GPS1: variants seen among roughly 807,000 people sequenced by gnomAD.
GPS1 encodes the protein COP9 signalosome complex subunit 1.
Under a neutral mutation model 60.0 loss-of-function variants are expected in GPS1, and 11 were observed. That is an observed-to-expected ratio of 0.18 (90% confidence interval 0.12 to 0.30). The LOEUF (loss-of-function observed/expected upper bound fraction) is 0.30, where lower values mean the gene tolerates loss of function less well. GPS1 is among the 10% of genes least tolerant of loss of function. The pLI is 1.00. For missense variants in GPS1, 543 were observed against 669.2 expected, an observed-to-expected ratio of 0.81 and a Z score of 2.08; for synonymous variants, 343 against 269.8, an observed-to-expected ratio of 1.27 and a Z score of -2.66.
Position 82,054,531 on chromosome 17 carries a change from C to T in GPS1, c.330C>T (p.Asp110=), listed in dbSNP as rs571991947. 4.7e-5 allele frequency: 73 copies of T among 1,554,536 alleles called. No homozygotes were observed. The South Asian group carries it at 5.7e-4, about 12-fold the overall frequency. ...TCAGGGAGCTGCAGAACGCACCCGA[C>T]GCCATCCCTGAGAGCGGCGTGGAGC... The part of the protein sequence containing the change: ...EATRELQNAP[D]AIPESGVEPP... The change falls in exon 4 of 13, where the codon GAC becomes GAT. Residue 110 remains aspartate (D), a synonymous_variant. Coordinates refer to ENST00000578552, the MANE Select transcript of GPS1 (RefSeq NM_001321092.3).
At chr17:82,054,211 G>A (rs1411649219) in intron 3 of GPS1, 162 bp downstream of exon 3, 10 of 811,740 alleles carry the variant, frequency 1.2e-5, no homozygotes, top group Non-Finnish European at 1.9e-5. Context: ...AGTGCCCTGT[G>A]TGTGTGTGGC....
chr17:82,056,183 C>A, intron 8 of GPS1, 88 bp downstream of exon 8: 1 of 1,380,226 alleles, frequency 7.2e-7, no homozygotes, highest in Non-Finnish European at 1.0e-6. Context: ...GGCCCCCTGG[C>A]CCCAGCGTTT....
chr17:82,055,638 CTGG>C, intron 6 of GPS1, 99 bp from the exon 7 acceptor site: 2 of 764,274 alleles, frequency 2.6e-6, no homozygotes, highest in Non-Finnish European at 4.4e-6. Flanking sequence ...AGCGAGCCGG[CTGG>C]TGGTCGCGTT....
At position 82,057,099 on chromosome 17, in the gene GPS1, G is replaced by C. The variant is rs1283344274; in HGVS notation, c.1436G>C (p.Ser479Thr). 1 of 1,576,058 alleles carries C rather than the reference G, an allele frequency of 6.3e-7. No individual in the cohort carries two copies. Among genetic ancestry groups the C allele is most frequent in the Non-Finnish European group, 8.6e-7 (1 of 1,158,996 alleles). The part of the protein sequence containing the change: ...GSQGELTPAN[S>T]QSRMSTNM The stretch of plus-strand genomic sequence containing the variant: ...CAGGGGGAGCTGACTCCAGCCAACA[G>C]CCAGTCCCGGATGAGCACCAACATG... Residue 479 changes from serine (S) to threonine (T), a missense_variant, in exon 13 of 13, where the codon AGC becomes ACC. Ser to Thr is a moderately conservative substitution (Grantham distance 58, BLOSUM62 1). Around this residue, in one of 3 missense-constraint regions of GPS1, gnomAD observed 291 missense variants for 353.7 expected, o/e 0.82. Transcript: ENST00000578552.
chr17:82,057,003 A>T, intron 12 of GPS1, 29 bp downstream of exon 12: 1 of 1,612,106 alleles, frequency 6.2e-7, no homozygotes, highest in South Asian at 1.1e-5. Context: ...GGGCAGGCGC[A>T]CGGCGTGTGG....
chr17:82,054,672 C>A lies in GPS1; in HGVS notation c.471C>A (p.Ile157=), dbSNP rs1366958090. The change falls in exon 4 of 13, where the codon ATC becomes ATA. Residue 157 remains isoleucine, a synonymous_variant. Transcript: ENST00000578552. ...AGGGCAACTCCATCAAAGAGAGCAT[C>A]CGGCGCGGCCACGACGACCTGGGCG... ...NYKGNSIKES[I]RRGHDDLGDH... 1 of 1,611,394 alleles carries A rather than the reference C, an allele frequency of 6.2e-7. No homozygotes were observed. The highest frequency in any genetic ancestry group is 8.5e-7 in the Non-Finnish European group (1 of 1,179,920).
At chr17:82,053,509 C>T (rs890951594) in intron 2 of GPS1, 143 bp downstream of exon 2, 31 of 600,646 alleles carry the variant, frequency 5.2e-5, no homozygotes, top group Admixed American at 7.9e-5. Flanking sequence ...AAACCATCAG[C>T]GTTTCTGATT....
chr17:82,051,785 G>A (rs896399896), upstream of GPS1: 6 of 1,117,106 alleles, frequency 5.4e-6, no homozygotes, highest in African/African-American at 6.7e-5. The surrounding 1 kb of genome is among the most constrained non-coding windows in gnomAD (Gnocchi z 4.1). Context: ...CGGGACCCCC[G>A]GCGCTGCGAG....
At chr17:82,052,251 T>C (rs762631627) in intron 1 of GPS1, 1 of 1,598,830 alleles carries the variant, frequency 6.3e-7, no homozygotes, top group Non-Finnish European at 8.5e-7. Context: ...TCTTTCTCCC[T>C]TCAGCAGCCA....
chr17:82,054,284 G>T, intron 3 of GPS1: 1 of 747,614 alleles, frequency 1.3e-6, no homozygotes, highest in Non-Finnish European at 2.1e-6. Flanking sequence ...GTGGCTCAGG[G>T]GCCGCCTCCC....
At chr17:82,054,287 C>T (rs964734541) in intron 3 of GPS1, 112 of 748,972 alleles carry the variant, frequency 1.5e-4, no homozygotes, top group East Asian at 3.8e-4. Flanking sequence ...GCTCAGGGGC[C>T]GCCTCCCTGC....
At position 82,056,405 on chromosome 17, in the gene GPS1, G is replaced by A; in HGVS notation, c.1035+14G>A. On this transcript the variant is annotated intron_variant, in intron 9 of 12. Transcript: ENST00000578552. ...GACGAGATGAAGGTGGGCCCCGCCT[G>A]GGGTAGGGGTGAGGTGGGGCCCTGC... is the stretch of plus-strand genomic sequence containing the variant. The A allele has an allele frequency of 6.2e-7, 1 of 1,607,862 alleles. No homozygotes were observed. Among genetic ancestry groups the A allele is most frequent in the Non-Finnish European group, 8.5e-7 (1 of 1,175,296 alleles).
intron 2 of GPS1, 27 bp from the exon 3 acceptor site, chr17:82,053,841 C>G (rs760995728): frequency 1.3e-6 from 2 of 1,590,584 alleles, no homozygotes; most frequent in East Asian, 2.2e-5. Flanking sequence ...CCCATCCTGC[C>G]TGACTCTTGT....
intron 6 of GPS1, 60 bp from the exon 7 acceptor site, chr17:82,055,680 C>G (rs1030767289): frequency 7.0e-5 from 86 of 1,231,666 alleles, no homozygotes; most frequent in Non-Finnish European, 9.7e-5. Context: ...TTAGCGGCTT[C>G]CCCAGGCTCT....
chr17:82,055,699 A>G, intron 6 of GPS1, 41 bp from the exon 7 acceptor site: 20 of 1,017,760 alleles, frequency 2.0e-5, no homozygotes, highest in Non-Finnish European at 2.7e-5. Flanking sequence ...CTGGGGTCTT[A>G]CCCCCTCTCC....
upstream of GPS1, chr17:82,051,786 G>A (rs1277607281): frequency 2.7e-6 from 3 of 1,118,592 alleles, no homozygotes; most frequent in South Asian, 4.3e-5. This position sits in a 1 kb window ranked among gnomAD's most constrained non-coding sequence, Gnocchi z 4.1. Flanking sequence ...GGGACCCCCG[G>A]CGCTGCGAGC....
Position 82,053,482 on chromosome 17 carries a change from G to A in GPS1, c.126+116G>A, listed in dbSNP as rs530031979. ...ATGATCCTCCTCAGTGATCGCTGTC[G>A]TCTTTTTCTGACCCCGAAACCATCA... On this transcript the variant is annotated intron_variant, in intron 2 of 12. Coordinates refer to ENST00000578552, the MANE Select transcript of GPS1 (RefSeq NM_001321092.3). 1,092 of 745,768 alleles carry A rather than the reference G, an allele frequency of 1.5e-3. 3 individuals are homozygous for A. Among genetic ancestry groups the A allele is most frequent in the Admixed American group, 2.9e-3 (73 of 25,336 alleles). The allele number at this position is 745,768 out of a possible 1,614,324, so 46.2% of individuals were successfully genotyped here. A position where few individuals can be genotyped will look rare whatever the true frequency, so the allele number is the denominator to read the frequency against.
upstream of GPS1, chr17:82,051,192 G>A: frequency 1.5e-6 from 2 of 1,308,214 alleles, no homozygotes; most frequent in South Asian, 2.6e-5. The surrounding 1 kb of genome is among the most constrained non-coding windows in gnomAD (Gnocchi z 4.1). Flanking sequence ...TCGGGAGCCT[G>A]GGCAGAGAAA....
chr17:82,053,727 G>A (rs981250276), intron 2 of GPS1, 141 bp from the exon 3 acceptor site: 4 of 805,782 alleles, frequency 5.0e-6, no homozygotes, highest in Non-Finnish European at 7.6e-6. Context: ...AGTCAGTCTC[G>A]TACCCCCATG....
Sources: gnomAD v4.1 joint callset for allele counts on GRCh38, gnomAD v4.1.1 for gene constraint, gnomAD v4.1.1 regional missense constraint, Gnocchi (gnomAD v3.1) non-coding constraint, MANE v1.5 for transcripts, NCBI Gene and HGNC (gene_info 2026-07-23, HGNC 2026-07-21) for gene names.